The following THSD4 variants were observed in gnomAD, a reference collection of about 807,000 sequenced individuals.
THSD4 encodes thrombospondin type 1 domain containing 4.
A neutral mutation model predicts 119.0 loss-of-function variants in THSD4; 69 were observed. The observed-to-expected ratio is 0.58, with a 90% CI of 0.48 to 0.71. The LOEUF is 0.71. Among genes scored for constraint, THSD4 ranks in the 30% least tolerant of loss-of-function variants. The pLI is 0.00. For missense variants in THSD4, 1,393 were observed against 1,391.1 expected (o/e 1.00, Z -0.02); for synonymous variants, 524 against 540.4 (o/e 0.97, Z 0.42).
chr15:71,457,992 C>G (rs1009658759), intron 7 of THSD4, among the ~76,000 whole-genome samples: 1 of 152,150 alleles, frequency 6.6e-6, no homozygotes, highest in Non-Finnish European at 1.5e-5. Context: ...TAGCAGTTAC[C>G]AGAATCCTTT....
intron 3 of THSD4, among the ~76,000 whole-genome samples, chr15:71,163,826 A>G (rs1283899910): frequency 6.7e-6 from 1 of 150,328 alleles, no homozygotes; most frequent in Non-Finnish European, 1.5e-5. Context: ...AAAAAATTTA[A>G]TATGGCAGTC....
At chr15:71,248,375 C>T (rs1347228663) in intron 5 of THSD4, among the ~76,000 whole-genome samples, 1 of 152,186 alleles carries the variant, frequency 6.6e-6, no homozygotes, top group Non-Finnish European at 1.5e-5. Flanking sequence ...CCGAATTCAA[C>T]ACTTTCTTTT....
At chr15:71,528,619 G>A (rs550506620) in intron 7 of THSD4, among the ~76,000 whole-genome samples, 1 of 152,140 alleles carries the variant, frequency 6.6e-6, no homozygotes, top group Non-Finnish European at 1.5e-5. Flanking sequence ...CTGTATAAAG[G>A]TTCTTTTCCT....
intron 6 of THSD4, among the ~76,000 whole-genome samples, chr15:71,274,267 A>T (rs539598523): frequency 6.6e-6 from 1 of 152,340 alleles, no homozygotes; most frequent in South Asian, 2.1e-4. Flanking sequence ...TCATTTCATC[A>T]TTCAGCTGGT....
rs771573603 is a variant in THSD4 at position 71,746,820 on chromosome 15, C to G, written c.2037-18C>G. ...CTGAAGGTTGTCTCTCACTCTCGCTCTCTCATTCCTGAACCAGCTGGGACA... is the reference window on the plus strand; with the variant it reads ...CTGAAGGTTGTCTCTCACTCTCGCTGTCTCATTCCTGAACCAGCTGGGACA... On this transcript the variant is annotated intron_variant, in intron 12 of 17. Coordinates refer to ENST00000261862, the MANE Select transcript of THSD4 (RefSeq NM_024817.3). 22 of 1,612,286 alleles carry G rather than the reference C, an allele frequency of 1.4e-5. No homozygotes were observed. The highest frequency in any genetic ancestry group is 1.1e-4 in the East Asian group (5 of 44,866).
At chr15:71,633,131 C>T (rs1052901639) in intron 7 of THSD4, among the ~76,000 whole-genome samples, 7 of 152,080 alleles carry the variant, frequency 4.6e-5, no homozygotes, top group South Asian at 2.1e-4. Context: ...GTAAGTCAAC[C>T]CCCATCTATT....
At chr15:71,612,193 G>C (rs2050243686) in intron 7 of THSD4, among the ~76,000 whole-genome samples, 1 of 152,156 alleles carries the variant, frequency 6.6e-6, no homozygotes, top group East Asian at 1.9e-4. Context: ...AAGGGGTCAT[G>C]AATGACCTGA....
chr15:71,341,397 C>G, intron 6 of THSD4: 2 of 1,612,218 alleles, frequency 1.2e-6, no homozygotes, highest in Non-Finnish European at 1.7e-6. Context: ...ACATCTAAAC[C>G]CTTAAGTTCA....
intron 8 of THSD4, among the ~76,000 whole-genome samples, chr15:71,694,185 T>A (rs986431876): frequency 1.3e-5 from 2 of 152,214 alleles, no homozygotes; most frequent in African/African-American, 4.8e-5. Context: ...AGAGATGGAA[T>A]GGATTTCCAT....
rs570645565 is a variant in THSD4, at chr15:71,608,469, A to G, written c.1153-52061A>G. Among the ~76,000 whole-genome samples, 368 of 152,284 alleles carry G rather than the reference A, an allele frequency of 2.4e-3. 1 individual carries two copies. The highest frequency in any genetic ancestry group is 3.6e-3 in the Non-Finnish European group (248 of 68,024). ...AACATCATTTTAAGCAATCTCTTAC[A>G]CACATGATATGAGCATGCAATAATT... On this transcript the variant is annotated intron_variant, in intron 7 of 17. Coordinates refer to ENST00000261862, the MANE Select transcript of THSD4 (RefSeq NM_024817.3).
At chr15:71,490,323 C>T (rs776546575) in intron 7 of THSD4, among the ~76,000 whole-genome samples, 33 of 151,918 alleles carry the variant, frequency 2.2e-4, no homozygotes, top group Non-Finnish European at 4.3e-4. Context: ...CACTTTGGGA[C>T]GCCAAGGCAG....
At chr15:71,600,547 T>G (rs1206102185) in intron 7 of THSD4, among the ~76,000 whole-genome samples, 1 of 152,180 alleles carries the variant, frequency 6.6e-6, no homozygotes, top group Non-Finnish European at 1.5e-5. Context: ...TGGGAATTAT[T>G]AATCACACCC....
intron 6 of THSD4, chr15:71,341,762 T>C (rs1366237322): frequency 2.4e-6 from 2 of 822,868 alleles, no homozygotes; most frequent in Non-Finnish European, 4.4e-6. Flanking sequence ...CTCCCTTTTC[T>C]TCCTTTTTTC....
rs535853386 is a variant in THSD4 at position 71,432,263 on chromosome 15, A to G, written c.1152+20440A>G. On this transcript the variant is annotated intron_variant, in intron 7 of 17. Transcript: ENST00000261862. ...CAAAGGCCCTTCTGGAATGTTCAAA[A>G]GTAGTTCAAGGTTGAAAAGACTTAA... Among the ~76,000 whole-genome samples, 6 of 152,356 alleles carry G rather than the reference A, an allele frequency of 3.9e-5. No individual in the cohort carries two copies. In the East Asian group the frequency reaches 1.2e-3, roughly 29 times the overall value.
At chr15:71,399,131 G>A (rs1472260398) in intron 6 of THSD4, among the ~76,000 whole-genome samples, 3 of 151,964 alleles carry the variant, frequency 2.0e-5, no homozygotes, top group African/African-American at 7.3e-5. Context: ...GTAGTGAGGT[G>A]GGGGGTGCAG....
intron 8 of THSD4, among the ~76,000 whole-genome samples, chr15:71,702,516 AT>A (rs772638444): frequency 5.9e-5 from 9 of 152,052 alleles, no homozygotes; most frequent in Non-Finnish European, 8.8e-5. Context: ...AAATTTCTTG[AT>A]TCTTATGTGA....
upstream of THSD4, chr15:71,113,464 A>T (rs2040322943): frequency 6.6e-6 from 1 of 152,230 alleles, no homozygotes; most frequent in African/African-American, 2.4e-5. Flanking sequence ...TTTCAAAATT[A>T]AAAAATAACA....
At chr15:71,331,943 C>CT (rs1454572713) in intron 6 of THSD4, among the ~76,000 whole-genome samples, 1 of 151,542 alleles carries the variant, frequency 6.6e-6, no homozygotes, top group Non-Finnish European at 1.5e-5. Flanking sequence ...CAAGACAGGA[C>CT]TGTACATTCA....
intron 6 of THSD4, among the ~76,000 whole-genome samples, chr15:71,329,429 T>C (rs2045393484): frequency 6.6e-6 from 1 of 152,196 alleles, no homozygotes; most frequent in South Asian, 2.1e-4. Context: ...CCCACACTGC[T>C]TATAACTTCT....
Sources: allele counts gnomAD v4.1 joint callset (sites outside exome capture counted in the v4.1 genomes callset), GRCh38; gene constraint gnomAD v4.1.1; transcripts MANE v1.5; gene names NCBI Gene and HGNC (gene_info 2026-07-23, HGNC 2026-07-21).